Variants in TRPS1 observed in about 807,000 individuals in gnomAD.
TRPS1 encodes zinc finger transcription factor Trps1.
A neutral mutation model predicts 101.2 loss-of-function variants in TRPS1; 6 were observed. That is an observed-to-expected ratio of 0.06 (90% CI 0.03 to 0.12). The LOEUF (loss-of-function observed/expected upper bound fraction) is 0.12, where lower values mean the gene tolerates loss of function less well. Ranked by LOEUF, TRPS1 falls within the 10% of genes least tolerant of loss-of-function variation. The pLI, the probability that TRPS1 is intolerant of heterozygous loss-of-function variation, is 1.00. For missense variants in TRPS1, 1,363 were observed against 1,567.0 expected, an observed-to-expected ratio of 0.87 and a Z score of 2.20; for synonymous variants, 578 against 589.8, an observed-to-expected ratio of 0.98 and a Z score of 0.29.
At chr8:115,631,861 G>A (rs147098319) in intron 1 of TRPS1, among the ~76,000 whole-genome samples, 10 of 152,034 alleles carry the variant, frequency 6.6e-5, no homozygotes, top group African/African-American at 2.4e-4. Flanking sequence ...TCCTTATTTC[G>A]GCTGAAAAAA....
intron 5 of TRPS1, among the ~76,000 whole-genome samples, chr8:115,580,695 T>A (rs184136646): frequency 6.6e-6 from 1 of 152,202 alleles, no homozygotes; most frequent in African/African-American, 2.4e-5. Context: ...CTGCTTCACC[T>A]GCTTTAGAAA....
chr8:115,440,707 T>C (rs955590713), intron 5 of TRPS1, among the ~76,000 whole-genome samples: 5 of 152,170 alleles, frequency 3.3e-5, no homozygotes, highest in African/African-American at 9.7e-5. Context: ...CATTACAGAA[T>C]AAAGATTCAA....
At position 115,619,108 on chromosome 8, in the gene TRPS1, A is replaced by C. The variant is rs1281328318; in HGVS notation, c.966+24T>G. 1.9e-6 allele frequency: 3 copies of C among 1,612,614 alleles called. No individual in the cohort carries two copies. The South Asian group carries it at 3.3e-5, about 18-fold the overall frequency. ...TCATTTCTAATAACTTTTTCTGTAC[A>C]AAGAGACAATACAAAGTACAAACCT... On this transcript the variant is annotated intron_variant, in intron 3 of 6. Transcript: ENST00000395715.
chr8:115,502,391 A>G (rs1361059947), intron 5 of TRPS1, among the ~76,000 whole-genome samples: 7 of 152,186 alleles, frequency 4.6e-5, no homozygotes, highest in African/African-American at 1.2e-4. Flanking sequence ...ATTACCTCCA[A>G]TTATCAATTC....
At chr8:115,429,162 AG>A (rs1296617936) in intron 5 of TRPS1, among the ~76,000 whole-genome samples, 1 of 152,224 alleles carries the variant, frequency 6.6e-6, no homozygotes, top group African/African-American at 2.4e-5. Flanking sequence ...TCAATTACAC[AG>A]GAAAGTCCTA....
At chr8:115,450,329 G>A (rs183199688) in intron 5 of TRPS1, among the ~76,000 whole-genome samples, 14 of 152,210 alleles carry the variant, frequency 9.2e-5, no homozygotes, top group Non-Finnish European at 1.8e-4. Flanking sequence ...TTCTGTGTCC[G>A]CAGGAGCTGC....
intron 5 of TRPS1, among the ~76,000 whole-genome samples, chr8:115,451,144 T>G (rs953675235): frequency 6.6e-6 from 1 of 152,224 alleles, no homozygotes; most frequent in Non-Finnish European, 1.5e-5. Flanking sequence ...TGTATATTCA[T>G]GTTGATTGCT....
At chr8:115,532,544 T>C (rs1771428740) in intron 5 of TRPS1, among the ~76,000 whole-genome samples, 1 of 152,140 alleles carries the variant, frequency 6.6e-6, no homozygotes, top group Non-Finnish European at 1.5e-5. Flanking sequence ...GAAAGATCAG[T>C]AAAATATACA....
At chr8:115,415,168 C>T (rs1030398875) in intron 6 of TRPS1, 84 bp from the exon 7 acceptor site, 13 of 1,397,646 alleles carry the variant, frequency 9.3e-6, no homozygotes, top group Middle Eastern at 4.0e-4. Context: ...AAATATAAAC[C>T]ATGCTTAAGT....
chr8:115,513,570 G>A (rs1275610415), intron 5 of TRPS1, among the ~76,000 whole-genome samples: 1 of 151,550 alleles, frequency 6.6e-6, no homozygotes, highest in Non-Finnish European at 1.5e-5. Context: ...CAATGTCTAT[G>A]CTATAAGTAT....
Position 115,586,871 on chromosome 8 carries a change from A to G in TRPS1, c.2700+130T>C. ...TTGCTGCCACTTTGGCCTTAGGAGT[A>G]TAAATCCCCAGATTGAGACAGATCA... On this transcript the variant is annotated intron_variant, in intron 5 of 6. Coordinates refer to ENST00000395715, the MANE Select transcript of TRPS1 (RefSeq NM_014112.5). The G allele has an allele frequency of 1.2e-5, 18 of 1,536,242 alleles. No homozygotes were observed. The South Asian group carries it at 1.7e-4, about 15-fold the overall frequency.
At chr8:115,506,556 G>A (rs1165073903) in intron 5 of TRPS1, among the ~76,000 whole-genome samples, 1 of 152,076 alleles carries the variant, frequency 6.6e-6, no homozygotes, top group Non-Finnish European at 1.5e-5. Flanking sequence ...TAGAGAGACT[G>A]TTCCAATAAC....
intron 5 of TRPS1, among the ~76,000 whole-genome samples, chr8:115,491,191 T>C (rs1815012768): frequency 6.6e-6 from 1 of 152,234 alleles, no homozygotes; most frequent in Non-Finnish European, 1.5e-5. Flanking sequence ...GTAGCTTTGT[T>C]ATTCACTATT....
intron 1 of TRPS1, among the ~76,000 whole-genome samples, chr8:115,664,528 T>C (rs2130636370): frequency 6.6e-6 from 1 of 152,286 alleles, no homozygotes; most frequent in Middle Eastern, 3.4e-3. Context: ...ACGTATGCTG[T>C]CATTAATTTC....
At chr8:115,445,023 A>G (rs1459362346) in intron 5 of TRPS1, among the ~76,000 whole-genome samples, 1 of 152,162 alleles carries the variant, frequency 6.6e-6, no homozygotes, top group Non-Finnish European at 1.5e-5. Context: ...AAATTCCAAA[A>G]TCCTTTGTGC....
intron 5 of TRPS1, among the ~76,000 whole-genome samples, chr8:115,427,082 G>T (rs1813205039): frequency 6.6e-6 from 1 of 151,740 alleles, no homozygotes; most frequent in African/African-American, 2.4e-5. Flanking sequence ...GATCAACCAA[G>T]GCAAACACAG....
intron 3 of TRPS1, among the ~76,000 whole-genome samples, chr8:115,616,525 CTTTTTTT>C (rs58999466): frequency 7.2e-6 from 1 of 138,328 alleles, no homozygotes. Context: ...GCTTCTGTTA[CTTTTTTT>C]TTTTTTTTGG....
chr8:115,451,074 T>G (rs1813859090), intron 5 of TRPS1, among the ~76,000 whole-genome samples: 1 of 152,216 alleles, frequency 6.6e-6, no homozygotes. Context: ...ACATCTTTAC[T>G]TTTAATGTTA....
intron 5 of TRPS1, among the ~76,000 whole-genome samples, chr8:115,527,930 T>C (rs1030473852): frequency 3.3e-5 from 5 of 152,030 alleles, no homozygotes; most frequent in African/African-American, 1.2e-4. Flanking sequence ...TACCAGGAAA[T>C]GAGGACGATT....
Sources: allele counts gnomAD v4.1 joint callset (sites outside exome capture counted in the v4.1 genomes callset), GRCh38; gene constraint gnomAD v4.1.1; transcripts MANE v1.5; gene names NCBI Gene and HGNC (gene_info 2026-07-23, HGNC 2026-07-21).